Variants in GRB10 observed in about 807,000 individuals in gnomAD.
The protein encoded by GRB10 is growth factor receptor-bound protein 10.
A neutral mutation model predicts 80.9 loss-of-function variants in GRB10; 20 were observed. The observed-to-expected ratio is 0.25, with a 90% CI of 0.17 to 0.36. The LOEUF is 0.36. Ranked by LOEUF, GRB10 falls within the 10% of genes least tolerant of loss-of-function variation. The probability of loss-of-function intolerance (pLI) is 1.00; values close to 1 mark genes in which losing one functional copy is unlikely to be tolerated. For missense variants in GRB10, 548 were observed against 747.7 expected (o/e 0.73, Z 3.12); for synonymous variants, 291 against 291.5 (o/e 1.00, Z 0.02).
At chr7:50,671,701 C>G (rs1403692213) in intron 6 of GRB10, among the ~76,000 whole-genome samples, 2 of 152,244 alleles carry the variant, frequency 1.3e-5, no homozygotes, top group African/African-American at 2.4e-5. Context: ...GTGCCACTTT[C>G]CCATCCACGG....
At chr7:50,700,350 GT>G (rs2064005445) in intron 5 of GRB10, among the ~76,000 whole-genome samples, 1 of 151,990 alleles carries the variant, frequency 6.6e-6, no homozygotes, top group African/African-American at 2.4e-5. Flanking sequence ...TTCGTTCACA[GT>G]TTTCTTGATG....
chr7:50,770,201 G>C (rs2076841602), intron 2 of GRB10, among the ~76,000 whole-genome samples: 1 of 152,190 alleles, frequency 6.6e-6, no homozygotes, highest in Non-Finnish European at 1.5e-5. Context: ...GCAGCATCTA[G>C]CATTACCACT....
intron 5 of GRB10, among the ~76,000 whole-genome samples, chr7:50,697,304 A>G (rs145802521): frequency 4.2e-3 from 633 of 152,334 alleles, no homozygotes; most frequent in Non-Finnish European, 4.7e-3. Flanking sequence ...TTTGTTTTAT[A>G]TATTTTTAAT....
chr7:50,622,583 A>G (rs948662020), intron 8 of GRB10, among the ~76,000 whole-genome samples: 6 of 151,944 alleles, frequency 3.9e-5, no homozygotes, highest in Non-Finnish European at 5.9e-5. Flanking sequence ...TTCTCTGTGT[A>G]AGTTCCAGCC....
In GRB10 at chr7:50,616,154, TG is replaced by T. The variant is rs536356257; in HGVS notation, c.984+55del. The T allele has an allele frequency of 8.0e-4, 1,289 of 1,609,732 alleles. 6 individuals are homozygous for T. In the African/African-American group the frequency reaches 0.015, roughly 19 times the overall value. On this transcript the variant is annotated intron_variant, in intron 11 of 18. Transcript: ENST00000401949. ...GAAGCCCAGGTTCACTCTGAGGACC[TG>T]GGGGGAGTGACTGTGGCAGAATTAG...
Position 50,744,425 on chromosome 7 carries a change from G to A in GRB10, c.-47+11462C>T, listed in dbSNP as rs149368562. Among the ~76,000 whole-genome samples, 203 of 152,256 alleles carry A rather than the reference G, an allele frequency of 1.3e-3. 1 individual carries two copies. The highest frequency in any genetic ancestry group is 4.7e-3 in the African/African-American group (195 of 41,548). On this transcript the variant is annotated intron_variant, in intron 3 of 18. Coordinates refer to ENST00000401949, the MANE Select transcript of GRB10 (RefSeq NM_001350814.2). ...CTGAACAAGGTAGGAGTTGGAGCACGAACATCCCATGCAGTTAAAAGTTCA... is the reference window on the plus strand; with the variant it reads ...CTGAACAAGGTAGGAGTTGGAGCACAAACATCCCATGCAGTTAAAAGTTCA...
At chr7:50,687,149 T>C (rs1048568147) in intron 5 of GRB10, among the ~76,000 whole-genome samples, 2 of 152,218 alleles carry the variant, frequency 1.3e-5, no homozygotes, top group South Asian at 4.1e-4. Context: ...TGGAGGCTGC[T>C]GTATCTCCAA....
At chr7:50,629,333 C>A (rs933585329) in intron 7 of GRB10, among the ~76,000 whole-genome samples, 7 of 152,164 alleles carry the variant, frequency 4.6e-5, no homozygotes, top group African/African-American at 9.7e-5. Flanking sequence ...AGCCATCCCC[C>A]CAAAGGTCTA....
chr7:50,726,562 T>A (rs1198574716), intron 4 of GRB10, among the ~76,000 whole-genome samples: 1 of 152,184 alleles, frequency 6.6e-6, no homozygotes, highest in South Asian at 2.1e-4. Context: ...TATACATATT[T>A]ATGTATTTTT....
At chr7:50,717,665 G>T (rs2067071812) in intron 4 of GRB10, among the ~76,000 whole-genome samples, 1 of 152,196 alleles carries the variant, frequency 6.6e-6, no homozygotes, top group African/African-American at 2.4e-5. Context: ...CCCTAAGTTA[G>T]GAACCTCGTT....
chr7:50,761,398 G>A (rs182021404), intron 2 of GRB10, among the ~76,000 whole-genome samples: 1 of 152,282 alleles, frequency 6.6e-6, no homozygotes, highest in Admixed American at 6.5e-5. Context: ...GAAATCCAAA[G>A]CATAGAAGAT....
At chr7:50,695,583 T>C (rs1425028289) in intron 5 of GRB10, among the ~76,000 whole-genome samples, 1 of 152,190 alleles carries the variant, frequency 6.6e-6, no homozygotes, top group African/African-American at 2.4e-5. Flanking sequence ...CCTAGGTAAA[T>C]GGACTTACCC....
At chr7:50,741,454 C>T in intron 3 of GRB10, among the ~76,000 whole-genome samples, 1 of 151,180 alleles carries the variant, frequency 6.6e-6, no homozygotes, top group Admixed American at 6.6e-5. Context: ...GACAGGACCC[C>T]AAATGTCCAG....
chr7:50,782,019 A>T lies in GRB10; in HGVS notation c.-327+405T>A, dbSNP rs2078335970. Among the ~76,000 whole-genome samples, 1 of 152,236 alleles carries T rather than the reference A, an allele frequency of 6.6e-6. No homozygotes were observed. The highest frequency in any genetic ancestry group is 1.5e-5 in the Non-Finnish European group (1 of 68,040). ...TGTTTTTCACAGAAAAAGCCGGTGC[A>T]GTAGCCCGGATGCCCAGATCCACTC... On this transcript the variant is annotated intron_variant, in intron 1 of 18. Coordinates refer to ENST00000401949, the MANE Select transcript of GRB10 (RefSeq NM_001350814.2). This position sits in a 1 kb window ranked among gnomAD's most constrained non-coding sequence, Gnocchi z 6.6.
intron 4 of GRB10, among the ~76,000 whole-genome samples, chr7:50,721,103 G>A (rs929526412): frequency 1.3e-5 from 2 of 152,178 alleles, no homozygotes; most frequent in African/African-American, 4.8e-5. Flanking sequence ...CACAGTAAAG[G>A]TACCCAAACA....
intron 5 of GRB10, among the ~76,000 whole-genome samples, chr7:50,677,738 A>C (rs898084142): frequency 2.0e-5 from 3 of 152,212 alleles, no homozygotes; most frequent in Non-Finnish European, 2.9e-5. Flanking sequence ...TTTCTATCTC[A>C]GTGGGCCATC....
At position 50,635,746 on chromosome 7, in the gene GRB10, T is replaced by C. The variant is rs150304083; in HGVS notation, c.505-8768A>G. On this transcript the variant is annotated intron_variant, in intron 7 of 18. Transcript: ENST00000401949. ...TACAAAAGATCATCACAGATTATTA[T>C]GAACATCTCTATCCACACAAACTAA... Among the ~76,000 whole-genome samples the C allele has an allele frequency of 5.5e-4, 84 of 152,138 alleles. 2 individuals carry two copies. In the East Asian group the frequency reaches 0.015, roughly 27 times the overall value.
chr7:50,669,230 G>C (rs796304981), intron 7 of GRB10, among the ~76,000 whole-genome samples: 9 of 152,304 alleles, frequency 5.9e-5, no homozygotes, highest in African/African-American at 2.2e-4. Flanking sequence ...ATAATGAAAA[G>C]AGGTTTAATT....
At chr7:50,707,707 T>G (rs567607107) in intron 4 of GRB10, among the ~76,000 whole-genome samples, 1 of 152,360 alleles carries the variant, frequency 6.6e-6, no homozygotes, top group African/African-American at 2.4e-5. Context: ...GAAGACATGC[T>G]ACCCCACGTA....
Sources: gnomAD v4.1 joint callset for allele counts (sites outside exome capture counted in the v4.1 genomes callset) on GRCh38, gnomAD v4.1.1 for gene constraint, Gnocchi (gnomAD v3.1) non-coding constraint, MANE v1.5 for transcripts, NCBI Gene and HGNC (gene_info 2026-07-23, HGNC 2026-07-21) for gene names.